The following FHIP1B variants were observed in gnomAD, a reference collection of about 807,000 sequenced individuals.
The protein encoded by FHIP1B is FHF complex subunit HOOK-interacting protein 1B.
Under a neutral mutation model 82.2 loss-of-function variants are expected in FHIP1B, and 28 were observed. The ratio of observed to expected loss-of-function variants is 0.34; its 90% CI spans 0.25 to 0.47. FHIP1B has a LOEUF of 0.47. Ranked by LOEUF, FHIP1B falls within the 20% of genes least tolerant of loss-of-function variation. FHIP1B has a pLI of 1.00. For synonymous variants in FHIP1B, 585 were observed against 516.1 expected, an observed-to-expected ratio of 1.13 and a Z score of -1.81; for missense variants, 1,110 against 1,262.6, an observed-to-expected ratio of 0.88 and a Z score of 1.83.
chr11:6,231,630 C>G (rs936217272), intron 1 of FHIP1B, among the ~76,000 whole-genome samples: 9 of 151,936 alleles, frequency 5.9e-5, no homozygotes, highest in African/African-American at 2.2e-4. Flanking sequence ...GCAACCACAC[C>G]TGGCTAATTT....
At chr11:6,233,495 G>A (rs971058288) in intron 1 of FHIP1B, among the ~76,000 whole-genome samples, 2 of 152,182 alleles carry the variant, frequency 1.3e-5, no homozygotes, top group Non-Finnish European at 2.9e-5. Context: ...TAAATTTTCA[G>A]GTGGCTAAAA....
intron 7 of FHIP1B, 68 bp from the exon 8 acceptor site, chr11:6,218,831 C>G (rs886419539): frequency 6.4e-6 from 10 of 1,573,672 alleles, no homozygotes; most frequent in Admixed American, 1.7e-5. Context: ...AGAGGAACAT[C>G]AGGCCAATGA....
At position 6,214,838 on chromosome 11, in the gene FHIP1B, C is replaced by T. The variant is rs1483200402; in HGVS notation, c.2289G>A (p.Leu763=). The change falls in exon 10 of 12, where the codon CTG becomes CTA. Residue 763 remains leucine, a synonymous_variant. Coordinates refer to ENST00000449352, the MANE Select transcript of FHIP1B (RefSeq NM_001098794.2). ...AGGCCAGCTGGGCCACCAGCCCCGT[C>T]AGCAGGAAGTTGACATAGACGGAGT... ...LQNSVYVNFL[L]TGLVAQLACH... 5.0e-6 allele frequency: 8 copies of T among 1,612,344 alleles called. No individual in the cohort carries two copies. The South Asian group carries it at 8.8e-5, about 18-fold the overall frequency.
At chr11:6,212,912 T>A (rs1847112845) in intron 11 of FHIP1B, among the ~76,000 whole-genome samples, 2 of 152,234 alleles carry the variant, frequency 1.3e-5, no homozygotes. Flanking sequence ...ACTTTTTTCA[T>A]CATTCTACGT....
Position 6,223,512 on chromosome 11 carries a change from C to A in FHIP1B, c.777+98G>T, listed in dbSNP as rs1021597561. 2 of 1,427,118 alleles carry A rather than the reference C, an allele frequency of 1.4e-6. No individual in the cohort carries two copies. Among genetic ancestry groups the A allele is most frequent in the Admixed American group, 2.3e-5 (1 of 43,774 alleles). The allele number at this position is 1,427,118 out of a possible 1,614,324, so 88.4% of individuals were successfully genotyped here. A position where few individuals can be genotyped will look rare whatever the true frequency, so the allele number is the denominator to read the frequency against. The stretch of plus-strand genomic sequence containing the variant: ...ATCCAGGAACTGTTTCCTAGGGGAA[C>A]GGGCCCTGGAACATAGCCTCTCCCC... On this transcript the variant is annotated intron_variant, in intron 3 of 11. Coordinates refer to ENST00000449352, the MANE Select transcript of FHIP1B (RefSeq NM_001098794.2). The surrounding 1 kb of genome is among the most constrained non-coding windows in gnomAD (Gnocchi z 4.8).
chr11:6,219,482 A>G (rs1315910731), intron 6 of FHIP1B, among the ~76,000 whole-genome samples: 2 of 152,230 alleles, frequency 1.3e-5, no homozygotes, highest in Non-Finnish European at 2.9e-5. Context: ...ATGCCTACCA[A>G]TAAGAAACTA....
intron 1 of FHIP1B, among the ~76,000 whole-genome samples, chr11:6,230,492 T>C (rs1309821857): frequency 2.0e-5 from 3 of 152,212 alleles, no homozygotes; most frequent in Non-Finnish European, 4.4e-5. Context: ...GAATTTATAC[T>C]AGAGCTCAGC....
chr11:6,220,059 C>T (rs975334691), intron 6 of FHIP1B, among the ~76,000 whole-genome samples: 1 of 152,150 alleles, frequency 6.6e-6, no homozygotes, highest in Non-Finnish European at 1.5e-5. Flanking sequence ...TGCTCACATC[C>T]TAATCTCCAG....
intron 1 of FHIP1B, among the ~76,000 whole-genome samples, chr11:6,233,470 G>A (rs542814613): frequency 6.6e-6 from 1 of 152,348 alleles, no homozygotes; most frequent in South Asian, 2.1e-4. Context: ...ACTACAGGGT[G>A]TGGAGAGGAA....
At position 6,214,803 on chromosome 11, in the gene FHIP1B, T is replaced by C; in HGVS notation, c.2324A>G (p.Gln775Arg). The C allele has an allele frequency of 6.2e-7, 1 of 1,611,300 alleles. No individual in the cohort carries two copies. The highest frequency in any genetic ancestry group is 8.5e-7 in the Non-Finnish European group (1 of 1,178,800). The change falls in exon 10 of 12, where the codon CAG becomes CGG. Residue 775 changes from glutamine to arginine, a missense_variant. Physicochemically the swap from Gln to Arg is conservative, Grantham distance 43. This residue lies in a region of FHIP1B where 39 missense variants were observed against 79.6 expected (regional missense o/e 0.49). Transcript: ENST00000449352. The stretch of plus-strand genomic sequence containing the variant: ...GAGCAGGAAAGAGCGGAGCAGGGGC[T>C]GGGGGTGACAGGCCAGCTGGGCCAC... ...GLVAQLACHPQPLLRSFLLNT... is the reference protein window; with the variant it reads ...GLVAQLACHPRPLLRSFLLNT...
intron 9 of FHIP1B, 92 bp from the exon 10 acceptor site, chr11:6,215,003 G>T: frequency 8.0e-7 from 1 of 1,243,366 alleles, no homozygotes; most frequent in Non-Finnish European, 1.1e-6. Context: ...ACCCCCACCA[G>T]ATGAAAAGTA....
intron 1 of FHIP1B, among the ~76,000 whole-genome samples, chr11:6,227,721 ACAG>A (rs1847598827): frequency 6.6e-6 from 1 of 151,892 alleles, no homozygotes; most frequent in Admixed American, 6.6e-5. Flanking sequence ...TCCAAGGAGA[ACAG>A]CAGATCATGA....
intron 1 of FHIP1B, among the ~76,000 whole-genome samples, chr11:6,233,259 G>A (rs757722023): frequency 2.0e-5 from 3 of 152,246 alleles, no homozygotes; most frequent in Non-Finnish European, 4.4e-5. Context: ...CCACTGTAGA[G>A]TTAAGGAAAG....
chr11:6,229,851 T>C (rs184590610), intron 1 of FHIP1B, among the ~76,000 whole-genome samples: 259 of 151,600 alleles, frequency 1.7e-3, no homozygotes, highest in African/African-American at 5.9e-3. Flanking sequence ...AACAAAAGCA[T>C]AAAAGAAAGC....
At chr11:6,218,798 A>T (rs1847324449) in intron 7 of FHIP1B, 35 bp from the exon 8 acceptor site, 1 of 1,610,514 alleles carries the variant, frequency 6.2e-7, no homozygotes, top group East Asian at 2.2e-5. Flanking sequence ...CACAGGGTAG[A>T]TCAGGAAGGA....
chr11:6,224,956 TC>T (rs1283289349), intron 1 of FHIP1B, among the ~76,000 whole-genome samples: 1 of 152,210 alleles, frequency 6.6e-6, no homozygotes, highest in Non-Finnish European at 1.5e-5. Context: ...GTGTACATTA[TC>T]CTTGTTTTTT....
Position 6,217,470 on chromosome 11 carries a change from C to T in FHIP1B, c.2116G>A (p.Glu706Lys), listed in dbSNP as rs1307538284. The T allele has an allele frequency of 1.2e-6, 2 of 1,613,658 alleles. No individual in the cohort carries two copies. Among genetic ancestry groups the T allele is most frequent in the Non-Finnish European group, 1.7e-6 (2 of 1,179,800 alleles). The change falls in exon 9 of 12, where the codon GAG becomes AAG. Residue 706 changes from glutamate (E) to lysine (K), a missense_variant. Around this residue, in one of 6 missense-constraint regions of FHIP1B, gnomAD observed 418 missense variants for 371.4 expected, o/e 1.13. Transcript: ENST00000449352. ...GGACAGGTGAAGCTCTCGTAGGCCT[C>T]CTCCTCCTCAAGGGGCAGTGGAGGT... Reference protein sequence around the residue: ...LEPPLPLEEEEAYESFTCPPE... With the variant: ...LEPPLPLEEEKAYESFTCPPE...
In FHIP1B at chr11:6,224,051, C is replaced by T; in HGVS notation, c.336G>A (p.Trp112Ter). The T allele has an allele frequency of 6.2e-7, 1 of 1,613,436 alleles. No individual in the cohort carries two copies. Among genetic ancestry groups the T allele is most frequent in the Non-Finnish European group, 8.5e-7 (1 of 1,179,616 alleles). The change falls in exon 3 of 12, where the codon TGG becomes TGA. Residue 112 changes from tryptophan to a stop codon, truncating the protein, a stop_gained. Coordinates refer to ENST00000449352, the MANE Select transcript of FHIP1B (RefSeq NM_001098794.2). LOFTEE classifies it high-confidence loss of function. ...CCCCAAGCTCATCCCATTGCAGCTGCCATGTCAACACACGGGTCAGCAGAT... is the reference window on the plus strand; with the variant it reads ...CCCCAAGCTCATCCCATTGCAGCTGTCATGTCAACACACGGGTCAGCAGAT... The part of the protein sequence containing the change: ...HEDLLTRVLT[W>*]QLQWDELGDG...
chr11:6,221,813 T>G (rs181942989), intron 6 of FHIP1B, among the ~76,000 whole-genome samples: 4 of 152,208 alleles, frequency 2.6e-5, no homozygotes, highest in African/African-American at 7.2e-5. Context: ...CCACAACTTA[T>G]TAATGTGTTT....
Sources: gnomAD v4.1 joint callset for allele counts (sites outside exome capture counted in the v4.1 genomes callset) on GRCh38, gnomAD v4.1.1 for gene constraint, gnomAD v4.1.1 regional missense constraint, Gnocchi (gnomAD v3.1) non-coding constraint, MANE v1.5 for transcripts, NCBI Gene and HGNC (gene_info 2026-07-23, HGNC 2026-07-21) for gene names.